The following ZDHHC3 variants were observed in gnomAD, a reference collection of about 807,000 sequenced individuals.
ZDHHC3 encodes palmitoyltransferase ZDHHC3.
ZDHHC3 carries 9 observed loss-of-function variants against 30.6 expected under a neutral mutation model. The ratio of observed to expected loss-of-function variants is 0.29; its 90% CI spans 0.18 to 0.51. The LOEUF is 0.51. ZDHHC3 is among the 20% of genes least tolerant of loss of function. The probability of loss-of-function intolerance (pLI) is 0.97; values close to 1 mark genes in which losing one functional copy is unlikely to be tolerated. For synonymous variants in ZDHHC3, 136 were observed against 140.2 expected, an observed-to-expected ratio of 0.97 and a Z score of 0.21; for missense variants, 246 against 384.2, an observed-to-expected ratio of 0.64 and a Z score of 3.01.
intron 1 of ZDHHC3, among the ~76,000 whole-genome samples, chr3:44,968,211 C>T (rs1318891577): frequency 6.6e-6 from 1 of 152,036 alleles, no homozygotes; most frequent in Non-Finnish European, 1.5e-5. Context: ...CCCTTACACA[C>T]ATTTGAGGGA....
At chr3:44,942,838 C>T (rs922850492) in intron 3 of ZDHHC3, among the ~76,000 whole-genome samples, 2 of 152,208 alleles carry the variant, frequency 1.3e-5, no homozygotes, top group Non-Finnish European at 2.9e-5. Flanking sequence ...AGCTGAACTT[C>T]CAACACCAAC....
At chr3:44,938,424 AC>A in intron 3 of ZDHHC3, 1 of 220,570 alleles carries the variant, frequency 4.5e-6, no homozygotes, top group Non-Finnish European at 9.6e-6. Context: ...GGTGGCCGCC[AC>A]CCTCATGACA....
In ZDHHC3 at chr3:44,923,417, C is replaced by A; in HGVS notation, c.*3272G>T. On this transcript the variant is annotated 3_prime_UTR_variant, in exon 7 of 7. Coordinates refer to ENST00000424952, the MANE Select transcript of ZDHHC3 (RefSeq NM_001135179.2). ...GCTTAAAATGTTTGTTAATTTACCT[C>A]ACCTAAACGGTTTCTGCATTAGGGG... The A allele has an allele frequency of 1.0e-6, 1 of 985,388 alleles. No individual in the cohort carries two copies. Among genetic ancestry groups the A allele is most frequent in the Non-Finnish European group, 1.2e-6 (1 of 829,932 alleles). 61.0% of individuals were successfully genotyped at this position (985,388 alleles called of 1,614,324 possible). A position where few individuals can be genotyped will look rare whatever the true frequency, so the allele number is the denominator to read the frequency against.
chr3:44,950,094 T>A (rs778535680), intron 2 of ZDHHC3, among the ~76,000 whole-genome samples: 1 of 152,210 alleles, frequency 6.6e-6, no homozygotes, highest in Non-Finnish European at 1.5e-5. Flanking sequence ...CTTGGCCTTC[T>A]GAAGTGCTGG....
chr3:44,929,706 G>A (rs967007283), intron 5 of ZDHHC3, among the ~76,000 whole-genome samples: 4 of 152,172 alleles, frequency 2.6e-5, no homozygotes, highest in African/African-American at 9.7e-5. Context: ...ACTGCCCCCA[G>A]TGCCAAGCAC....
At position 44,918,525 on chromosome 3, in the gene ZDHHC3, C is replaced by A. The variant is rs80343359; in HGVS notation, c.*8164G>T. The A allele has an allele frequency of 1.0e-6, 1 of 985,308 alleles. No individual in the cohort carries two copies. Among genetic ancestry groups the A allele is most frequent in the South Asian group, 4.7e-5 (1 of 21,296 alleles). The allele number at this position is 985,308 out of a possible 1,614,324, so 61.0% of individuals were successfully genotyped here. On this transcript the variant is annotated 3_prime_UTR_variant, in exon 7 of 7. Transcript: ENST00000424952. ...GACCACACATCCTCTGAGGCCACTA[C>A]AAACTGGTGATCCCCTCCTAAATAT...
In ZDHHC3 at chr3:44,917,464, C is replaced by G. The variant is rs1166214656; in HGVS notation, c.*9225G>C. ...CCCTGCCCGGTCCTTCTGTCACAAC[C>G]TTACTTCTCAAAGCCAGGAGCCAGG... On this transcript the variant is annotated 3_prime_UTR_variant, in exon 7 of 7. Coordinates refer to ENST00000424952, the MANE Select transcript of ZDHHC3 (RefSeq NM_001135179.2). 1 of 196,594 alleles carries G rather than the reference C, an allele frequency of 5.1e-6. No homozygotes were observed. Among genetic ancestry groups the G allele is most frequent in the Non-Finnish European group, 1.1e-5 (1 of 93,932 alleles). 12.2% of individuals were successfully genotyped at this position (196,594 alleles called of 1,614,324 possible). A position where few individuals can be genotyped will look rare whatever the true frequency, so the allele number is the denominator to read the frequency against.
rs946202802 is a variant in ZDHHC3, at chr3:44,924,638, C to T, written c.*2051G>A. 24 of 985,442 alleles carry T rather than the reference C, an allele frequency of 2.4e-5. No homozygotes were observed. The highest frequency in any genetic ancestry group is 2.9e-5 in the Non-Finnish European group (24 of 829,938). The allele number at this position is 985,442 out of a possible 1,614,324, so 61.0% of individuals were successfully genotyped here. ...TGCCAGGGGAAAAGAGCTAACCTGG[C>T]TCACTTTAAAAAATGCCCTGGAAGA... is the stretch of plus-strand genomic sequence containing the variant. On this transcript the variant is annotated 3_prime_UTR_variant, in exon 7 of 7. Coordinates refer to ENST00000424952, the MANE Select transcript of ZDHHC3 (RefSeq NM_001135179.2).
chr3:44,936,828 T>C (rs1702000691), intron 3 of ZDHHC3, among the ~76,000 whole-genome samples: 2 of 152,010 alleles, frequency 1.3e-5, no homozygotes, highest in African/African-American at 4.8e-5. Context: ...AGTTTATCTA[T>C]GTAACAAACC....
chr3:44,928,995 G>A (rs1450783654), intron 6 of ZDHHC3, among the ~76,000 whole-genome samples: 11 of 152,178 alleles, frequency 7.2e-5, no homozygotes, highest in Admixed American at 6.5e-4. Context: ...CTAGTGGAGT[G>A]TCTAATGCAG....
chr3:44,938,141 G>A (rs1301142778), intron 3 of ZDHHC3: 2 of 197,946 alleles, frequency 1.0e-5, no homozygotes, highest in Non-Finnish European at 2.1e-5. Flanking sequence ...GTGTCACCAA[G>A]CCAGGCTAAT....
chr3:44,917,915 C>G lies in ZDHHC3; in HGVS notation c.*8774G>C. The G allele has an allele frequency of 7.7e-7, 1 of 1,304,306 alleles. No homozygotes were observed. Among genetic ancestry groups the G allele is most frequent in the Non-Finnish European group, 1.0e-6 (1 of 988,976 alleles). 80.8% of individuals were successfully genotyped at this position (1,304,306 alleles called of 1,614,324 possible). ...AGCATCTATTCATCTGTCACCTCCA[C>G]AGAGTCCTCGTCCTTTGTCTCCTCT... is the stretch of plus-strand genomic sequence containing the variant. On this transcript the variant is annotated 3_prime_UTR_variant, in exon 7 of 7. Transcript: ENST00000424952.
Position 44,975,768 on chromosome 3 carries a change from TCTCTCA to T in ZDHHC3, c.-25+159_-25+164del, listed in dbSNP as rs781005072. Among the ~76,000 whole-genome samples the T allele has an allele frequency of 8.1e-3, 1,140 of 140,706 alleles. 11 individuals are homozygous for T. Among genetic ancestry groups the T allele is most frequent in the African/African-American group, 0.025 (850 of 34,050 alleles). 92.3% of individuals were successfully genotyped at this position (140,706 alleles called of 152,430 possible). ...CGGGGTCTCTCTCTCTCTCTCTCTCTCTCTCACACACACACACACACACACACACAC... is the reference window on the plus strand; with the variant it reads ...CGGGGTCTCTCTCTCTCTCTCTCTCTCACACACACACACACACACACACAC... On this transcript the variant is annotated intron_variant, in intron 1 of 6. Transcript: ENST00000424952.
At position 44,934,007 on chromosome 3, in the gene ZDHHC3, C is replaced by A. The variant is rs188612298; in HGVS notation, c.432-23G>T. The A allele has an allele frequency of 2.5e-4, 397 of 1,612,540 alleles. 2 individuals carry two copies. In the East Asian group the frequency reaches 6.2e-3, roughly 25 times the overall value. On this transcript the variant is annotated intron_variant, in intron 3 of 6. Transcript: ENST00000424952. ...ACACTGAAACAGCCCACAGGTCAGACCTTTAGGGCATCCCCATGGTGTTGG... is the reference window on the plus strand; with the variant it reads ...ACACTGAAACAGCCCACAGGTCAGAACTTTAGGGCATCCCCATGGTGTTGG...
rs560396320 is a variant in ZDHHC3 at position 44,945,050 on chromosome 3, C to T, written c.431+118G>A. The T allele has an allele frequency of 3.9e-3, 5,591 of 1,450,014 alleles. 22 individuals carry two copies. The highest frequency in any genetic ancestry group is 4.3e-3 in the Non-Finnish European group (4,583 of 1,056,308). 89.8% of individuals were successfully genotyped at this position (1,450,014 alleles called of 1,614,324 possible). A position where few individuals can be genotyped will look rare whatever the true frequency, so the allele number is the denominator to read the frequency against. On this transcript the variant is annotated intron_variant, in intron 3 of 6. Transcript: ENST00000424952. ...CCAGAGCAGGGGACATTTGGAATCCCGATGCTGACTTGGCCCCTGTTGGGG... is the reference window on the plus strand; with the variant it reads ...CCAGAGCAGGGGACATTTGGAATCCTGATGCTGACTTGGCCCCTGTTGGGG...
Position 44,925,874 on chromosome 3 carries a change from G to C in ZDHHC3, c.*815C>G, listed in dbSNP as rs1700941491. On this transcript the variant is annotated 3_prime_UTR_variant, in exon 7 of 7. Transcript: ENST00000424952. ...GAGAGGGAGATGGGGTGGTGAGAGA[G>C]GAAGCAGATGAAACAAAGGAAAACG... 1.0e-6 allele frequency: 1 copy of C among 985,834 alleles called. No homozygotes were observed. Among genetic ancestry groups the C allele is most frequent in the Non-Finnish European group, 1.2e-6 (1 of 829,934 alleles). The allele number at this position is 985,834 out of a possible 1,614,324, so 61.1% of individuals were successfully genotyped here.
At chr3:44,941,152 G>T (rs1197538910) in intron 3 of ZDHHC3, among the ~76,000 whole-genome samples, 1 of 152,188 alleles carries the variant, frequency 6.6e-6, no homozygotes, top group Non-Finnish European at 1.5e-5. Flanking sequence ...ATCAGACTGG[G>T]ATGCTCATGT....
intron 2 of ZDHHC3, chr3:44,958,557 G>T: frequency 6.5e-7 from 1 of 1,529,708 alleles, no homozygotes; most frequent in South Asian, 1.2e-5. Flanking sequence ...TCATTGAGCA[G>T]AACACTACTG....
In ZDHHC3 at chr3:44,959,124, T is replaced by TA; in HGVS notation, c.306+6dup. On this transcript the variant is annotated splice_region_variant and intron_variant, in intron 2 of 6. Transcript: ENST00000424952. The surrounding 1 kb of genome is among the most constrained non-coding windows in gnomAD (Gnocchi z 4.3). ...GGGCTGGTCAAAACAAGCCCAGACA[T>TA]ACTCACGGGGTCCGTCAGCATGGCC... 6.2e-7 allele frequency: 1 copy of TA among 1,613,920 alleles called. No individual in the cohort carries two copies. Among genetic ancestry groups the TA allele is most frequent in the Non-Finnish European group, 8.5e-7 (1 of 1,179,848 alleles).
Sources: allele counts gnomAD v4.1 joint callset (sites outside exome capture counted in the v4.1 genomes callset), GRCh38; gene constraint gnomAD v4.1.1; non-coding constraint Gnocchi (gnomAD v3.1); transcripts MANE v1.5; gene names NCBI Gene and HGNC (gene_info 2026-07-23, HGNC 2026-07-21).